RTN4RL1: variants seen among roughly 807,000 people sequenced by gnomAD.
RTN4RL1 encodes the protein reticulon-4 receptor-like 1.
Under a neutral mutation model 25.6 loss-of-function variants are expected in RTN4RL1, and 7 were observed. The observed-to-expected ratio is 0.27, with a 90% CI of 0.16 to 0.51. The LOEUF (loss-of-function observed/expected upper bound fraction) is 0.51. Among genes scored for constraint, RTN4RL1 ranks in the 20% least tolerant of loss-of-function variants. The pLI is 0.97. For synonymous variants in RTN4RL1, 297 were observed against 288.2 expected, an observed-to-expected ratio of 1.03 and a Z score of -0.31; for missense variants, 500 against 615.6, an observed-to-expected ratio of 0.81 and a Z score of 1.99.
chr17:2,013,423 C>T (rs1377932806), intron 1 of RTN4RL1, among the ~76,000 whole-genome samples: 1 of 152,172 alleles, frequency 6.6e-6, no homozygotes, highest in Non-Finnish European at 1.5e-5. Flanking sequence ...ACTTGCATTT[C>T]TTTGCCTCAG....
At chr17:1,963,295 C>T (rs2066774395) in intron 1 of RTN4RL1, among the ~76,000 whole-genome samples, 1 of 152,260 alleles carries the variant, frequency 6.6e-6, no homozygotes, top group Admixed American at 6.5e-5. Flanking sequence ...TTGATTGAAT[C>T]AGGCCTGGCT....
chr17:2,005,961 TTATTTTTTG>T (rs1455213784), intron 1 of RTN4RL1, among the ~76,000 whole-genome samples: 2 of 151,078 alleles, frequency 1.3e-5, no homozygotes, highest in African/African-American at 4.9e-5. Flanking sequence ...CACGCCCGCC[TTATTTTTTG>T]TATTTTTTAG....
chr17:1,961,824 T>G (rs1597496644), intron 1 of RTN4RL1, among the ~76,000 whole-genome samples: 1 of 135,938 alleles, frequency 7.4e-6, no homozygotes, highest in Non-Finnish European at 1.6e-5. Flanking sequence ...GGCATGTGCC[T>G]GTAATCCCAG....
At chr17:1,962,388 C>G (rs2066768664) in intron 1 of RTN4RL1, among the ~76,000 whole-genome samples, 1 of 151,946 alleles carries the variant, frequency 6.6e-6, no homozygotes, top group Non-Finnish European at 1.5e-5. Flanking sequence ...GATGGGGTCT[C>G]ACTCTGTCGC....
chr17:1,994,223 T>C lies in RTN4RL1; in HGVS notation c.13+30630A>G, dbSNP rs556332868. 5.9e-5 allele frequency among the ~76,000 whole-genome samples: 9 copies of C among 152,102 alleles called. No homozygotes were observed. Among genetic ancestry groups the C allele is most frequent in the East Asian group, 1.9e-4 (1 of 5,174 alleles). ...CGCTGGGAGCTTGAGGGGGAAGTGATGGGCAAGAGCTGGGGAGGACAAAGC... is the reference window on the plus strand; with the variant it reads ...CGCTGGGAGCTTGAGGGGGAAGTGACGGGCAAGAGCTGGGGAGGACAAAGC... On this transcript the variant is annotated intron_variant, in intron 1 of 1. Coordinates refer to ENST00000331238, the MANE Select transcript of RTN4RL1 (RefSeq NM_178568.4). The surrounding 1 kb of genome is among the most constrained non-coding windows in gnomAD (Gnocchi z 4.3).
chr17:1,989,919 G>A (rs545192621), intron 1 of RTN4RL1, among the ~76,000 whole-genome samples: 51 of 151,576 alleles, frequency 3.4e-4, no homozygotes, highest in African/African-American at 1.1e-3. Context: ...CTAGGAGTTC[G>A]AGACCAGCCC....
chr17:2,018,496 T>A (rs1321935729), intron 1 of RTN4RL1, among the ~76,000 whole-genome samples: 1 of 150,976 alleles, frequency 6.6e-6, no homozygotes, highest in Non-Finnish European at 1.5e-5. Flanking sequence ...CAGAGGGGAG[T>A]GCATAGGAAC....
intron 1 of RTN4RL1, among the ~76,000 whole-genome samples, chr17:1,990,703 A>G (rs1397357355): frequency 2.0e-5 from 3 of 152,196 alleles, no homozygotes; most frequent in Non-Finnish European, 4.4e-5. Flanking sequence ...CCTGTTTCAA[A>G]AAACAAAACT....
chr17:1,986,506 A>G (rs2066887846), intron 1 of RTN4RL1, among the ~76,000 whole-genome samples: 1 of 152,146 alleles, frequency 6.6e-6, no homozygotes, highest in African/African-American at 2.4e-5. Flanking sequence ...AGGGCCATAA[A>G]TGCAATGACA....
intron 1 of RTN4RL1, among the ~76,000 whole-genome samples, chr17:1,990,055 G>A: frequency 6.7e-6 from 1 of 148,350 alleles, no homozygotes; most frequent in Admixed American, 6.8e-5. Context: ...TGATTACAAT[G>A]GTAAATTTTG....
Position 1,937,467 on chromosome 17 carries a change from CG to C in RTN4RL1, c.354del (p.Glu119ArgfsTer7). 1 of 1,613,940 alleles carries C rather than the reference CG, an allele frequency of 6.2e-7. No homozygotes were observed. Among genetic ancestry groups the C allele is most frequent in the Non-Finnish European group, 8.5e-7 (1 of 1,179,892 alleles). ...AGCTTCACCAGGCCCTGGAAGGTCT[CG>C]GGTGCCAGCGTCCGCAGCTGCCGGT... ...GDNRQLRTLA[P>X]ETFQGLVKLH... On this transcript the variant is annotated frameshift_variant, in exon 2 of 2. Transcript: ENST00000331238. LOFTEE classifies it high-confidence loss of function.
chr17:1,970,022 T>C (rs1326153694), intron 1 of RTN4RL1, among the ~76,000 whole-genome samples: 27 of 146,468 alleles, frequency 1.8e-4, no homozygotes, highest in East Asian at 9.8e-4. Context: ...TCTCTCTCTT[T>C]TTTTTTTTTT....
Position 1,937,294 on chromosome 17 carries a change from G to A in RTN4RL1, c.528C>T (p.Ser176=), listed in dbSNP as rs1187118419. 6.2e-7 allele frequency: 1 copy of A among 1,613,040 alleles called. No homozygotes were observed. Among genetic ancestry groups the A allele is most frequent in the Non-Finnish European group, 8.5e-7 (1 of 1,179,894 alleles). Residue 176 remains serine, a synonymous_variant, in exon 2 of 2, where the codon AGC becomes AGT. Transcript: ENST00000331238. ...GCTTGTTGCCGTGGAGAAACAGGTG[G>A]CTGAGGTTGACCAGGTCCACGAAGA... ...DDIFVDLVNL[S]HLFLHGNKLW...
chr17:1,961,665 T>C (rs955186420), intron 1 of RTN4RL1, among the ~76,000 whole-genome samples: 2 of 150,782 alleles, frequency 1.3e-5, no homozygotes. Flanking sequence ...CGGTGGCTCA[T>C]GCCTGTAATC....
chr17:1,992,449 T>C (rs1047318631), intron 1 of RTN4RL1, among the ~76,000 whole-genome samples: 2 of 151,962 alleles, frequency 1.3e-5, no homozygotes, highest in African/African-American at 2.4e-5. Flanking sequence ...GGGGACTCAG[T>C]TGGGGACAAA....
chr17:1,986,434 G>A (rs748239420), intron 1 of RTN4RL1, among the ~76,000 whole-genome samples: 17 of 152,084 alleles, frequency 1.1e-4, no homozygotes, highest in Non-Finnish European at 2.5e-4. Flanking sequence ...TTGGAAAAAG[G>A]CGTCTTTGTC....
chr17:1,967,286 A>G (rs2066795906), intron 1 of RTN4RL1, among the ~76,000 whole-genome samples: 1 of 152,190 alleles, frequency 6.6e-6, no homozygotes, highest in African/African-American at 2.4e-5. Flanking sequence ...TGTGTGGGCC[A>G]ACACAGCTCC....
intron 1 of RTN4RL1, among the ~76,000 whole-genome samples, chr17:2,005,771 CTT>C (rs1335038949): frequency 1.4e-5 from 2 of 142,606 alleles, no homozygotes; most frequent in African/African-American, 5.1e-5. Flanking sequence ...CTCTCCTTCT[CTT>C]TCTTTTTTCT....
intron 1 of RTN4RL1, among the ~76,000 whole-genome samples, chr17:1,968,826 C>T (rs1360295639): frequency 6.6e-6 from 1 of 152,254 alleles, no homozygotes; most frequent in Admixed American, 6.5e-5. Flanking sequence ...TTACCCAGAA[C>T]ACTGTTCATT....
Sources: gnomAD v4.1 joint callset for allele counts (sites outside exome capture counted in the v4.1 genomes callset) on GRCh38, gnomAD v4.1.1 for gene constraint, Gnocchi (gnomAD v3.1) non-coding constraint, MANE v1.5 for transcripts, NCBI Gene and HGNC (gene_info 2026-07-23, HGNC 2026-07-21) for gene names.